Variants in VEGFC observed in about 807,000 individuals in gnomAD.
VEGFC encodes the protein vascular endothelial growth factor C.
In VEGFC, 12 loss-of-function variants were observed where a neutral mutation model predicts 46.1. The ratio of observed to expected loss-of-function variants is 0.26; its 90% CI spans 0.17 to 0.42. The LOEUF (loss-of-function observed/expected upper bound fraction) is 0.42, where lower values mean the gene tolerates loss of function less well. Ranked by LOEUF, VEGFC falls within the 10% of genes least tolerant of loss-of-function variation. VEGFC has a pLI of 1.00. For synonymous variants in VEGFC, 232 were observed against 195.5 expected, an observed-to-expected ratio of 1.19 and a Z score of -1.56; for missense variants, 488 against 529.4, an observed-to-expected ratio of 0.92 and a Z score of 0.77.
intron 1 of VEGFC, among the ~76,000 whole-genome samples, chr4:176,759,478 G>T (rs924158862): frequency 6.6e-6 from 1 of 152,086 alleles, no homozygotes; most frequent in Admixed American, 6.6e-5. Flanking sequence ...TGGTGGGGTG[G>T]TCAACGGGGA....
chr4:176,756,363 G>A lies in VEGFC; in HGVS notation c.148-26617C>T, dbSNP rs1560956793. ...ATCAATTAAGGAATAAACAATAAAT[G>A]AAGAAAATGAAGTGTTGATGACAAT... is the stretch of plus-strand genomic sequence containing the variant. On this transcript the variant is annotated intron_variant, in intron 1 of 6. Transcript: ENST00000618562. 3.9e-5 allele frequency among the ~76,000 whole-genome samples: 6 copies of A among 152,136 alleles called. No individual in the cohort carries two copies. The South Asian group carries it at 1.2e-3, about 32-fold the overall frequency.
intron 1 of VEGFC, among the ~76,000 whole-genome samples, chr4:176,765,320 T>C (rs1028530729): frequency 4.0e-5 from 6 of 150,188 alleles, no homozygotes; most frequent in Non-Finnish European, 8.9e-5. Flanking sequence ...AAAAGTGACA[T>C]AGAGATATAG....
chr4:176,725,933 T>C (rs1251071968), intron 3 of VEGFC, among the ~76,000 whole-genome samples: 1 of 152,110 alleles, frequency 6.6e-6, no homozygotes, highest in Admixed American at 6.6e-5. Flanking sequence ...TATTTTAAAG[T>C]ATGCAGTTCT....
chr4:176,786,206 T>C (rs1160174795), intron 1 of VEGFC, among the ~76,000 whole-genome samples: 1 of 152,200 alleles, frequency 6.6e-6, no homozygotes, highest in East Asian at 1.9e-4. Flanking sequence ...AAACCTCACT[T>C]TCAGCATACC....
At chr4:176,747,155 T>C (rs1482787008) in intron 1 of VEGFC, among the ~76,000 whole-genome samples, 1 of 152,128 alleles carries the variant, frequency 6.6e-6, no homozygotes, top group Admixed American at 6.6e-5. Flanking sequence ...TCTAACAGTG[T>C]AGTTATATAA....
At chr4:176,769,216 T>C (rs548599971) in intron 1 of VEGFC, among the ~76,000 whole-genome samples, 1 of 152,278 alleles carries the variant, frequency 6.6e-6, no homozygotes, top group South Asian at 2.1e-4. Flanking sequence ...TCCAGAACTA[T>C]GAACAATGAA....
intron 1 of VEGFC, among the ~76,000 whole-genome samples, chr4:176,789,950 T>C (rs1736063419): frequency 6.6e-6 from 1 of 152,236 alleles, no homozygotes; most frequent in African/African-American, 2.4e-5. Context: ...ATTTAGCATC[T>C]TCTGTTTACC....
At chr4:176,702,328 AT>A (rs11299157) in intron 4 of VEGFC, among the ~76,000 whole-genome samples, 109,594 of 151,908 alleles carry the variant, frequency 0.72, 39,679 homozygotes, top group East Asian at 0.94. Flanking sequence ...AGATTTATCC[AT>A]TTTTTTTCCT....
chr4:176,764,780 T>C (rs1241269568), intron 1 of VEGFC, among the ~76,000 whole-genome samples: 1 of 152,120 alleles, frequency 6.6e-6, no homozygotes, highest in African/African-American at 2.4e-5. Flanking sequence ...CTGAATCCTC[T>C]CTAGAAAGGC....
At chr4:176,705,665 T>C (rs1734521685) in intron 4 of VEGFC, among the ~76,000 whole-genome samples, 1 of 152,214 alleles carries the variant, frequency 6.6e-6, no homozygotes, top group Non-Finnish European at 1.5e-5. Flanking sequence ...GAATGCTTAA[T>C]ATGTTTTAGG....
chr4:176,732,309 A>G (rs866847300), intron 1 of VEGFC, among the ~76,000 whole-genome samples: 5 of 151,934 alleles, frequency 3.3e-5, no homozygotes, highest in Admixed American at 6.6e-5. Context: ...ATCCTTTTCA[A>G]TCTATATCTA....
intron 1 of VEGFC, among the ~76,000 whole-genome samples, chr4:176,749,330 T>C (rs1472612269): frequency 2.0e-5 from 3 of 151,948 alleles, no homozygotes; most frequent in Non-Finnish European, 4.4e-5. Flanking sequence ...AGAAAAGAGA[T>C]GTTATAGTGT....
chr4:176,709,569 G>A (rs1429290083), intron 4 of VEGFC, among the ~76,000 whole-genome samples: 1 of 152,188 alleles, frequency 6.6e-6, no homozygotes, highest in Non-Finnish European at 1.5e-5. Context: ...CTTTGGAAAG[G>A]CAGAACACAA....
intron 1 of VEGFC, among the ~76,000 whole-genome samples, chr4:176,756,049 A>G (rs1057409178): frequency 6.6e-6 from 1 of 152,168 alleles, no homozygotes; most frequent in Middle Eastern, 3.4e-3. Context: ...CTATAGGTAA[A>G]GTTCTAAGGT....
chr4:176,691,071 C>A (rs1734168467), intron 4 of VEGFC, among the ~76,000 whole-genome samples: 1 of 152,140 alleles, frequency 6.6e-6, no homozygotes, highest in African/African-American at 2.4e-5. Flanking sequence ...AAGCACCGTG[C>A]TTCAAAAGTG....
intron 1 of VEGFC, 27 bp from the exon 2 acceptor site, chr4:176,729,773 G>T: frequency 6.5e-7 from 1 of 1,533,786 alleles, no homozygotes; most frequent in South Asian, 1.3e-5. Flanking sequence ...CAAGATCAAT[G>T]ACTTACCAGC....
At chr4:176,772,995 A>G (rs1325900207) in intron 1 of VEGFC, among the ~76,000 whole-genome samples, 2 of 152,218 alleles carry the variant, frequency 1.3e-5, no homozygotes, top group African/African-American at 2.4e-5. Flanking sequence ...AAGAATTTCA[A>G]TATTGTTAGA....
chr4:176,741,841 A>C lies in VEGFC; in HGVS notation c.148-12095T>G, dbSNP rs80305449. 6.0e-4 allele frequency among the ~76,000 whole-genome samples: 91 copies of C among 152,114 alleles called. 1 individual carries two copies. The East Asian group carries it at 0.01, about 18-fold the overall frequency. On this transcript the variant is annotated intron_variant, in intron 1 of 6. Transcript: ENST00000618562. ...GTTATAAATGATACATTATTAAAGT[A>C]AGTCTCCTAATTAAGTTGTTTTTTT...
At chr4:176,734,483 A>G (rs1735022422) in intron 1 of VEGFC, among the ~76,000 whole-genome samples, 1 of 151,850 alleles carries the variant, frequency 6.6e-6, no homozygotes. Context: ...TCACATTTTT[A>G]TGTTAGAAAA....
Sources: allele counts gnomAD v4.1 joint callset (sites outside exome capture counted in the v4.1 genomes callset), GRCh38; gene constraint gnomAD v4.1.1; transcripts MANE v1.5; gene names NCBI Gene and HGNC (gene_info 2026-07-23, HGNC 2026-07-21).